Variants in COL14A1 observed in about 807,000 individuals in gnomAD.
The protein encoded by COL14A1 is collagen alpha-1(XIV) chain.
A neutral mutation model predicts 230.3 loss-of-function variants in COL14A1; 136 were observed. The ratio of observed to expected loss-of-function variants is 0.59; its 90% CI spans 0.51 to 0.68. The LOEUF (loss-of-function observed/expected upper bound fraction) is 0.68. Ranked by LOEUF, COL14A1 falls within the 30% of genes least tolerant of loss-of-function variation. The pLI is 0.00. For missense variants in COL14A1, 1,976 were observed against 2,215.8 expected (o/e 0.89, Z 2.17); for synonymous variants, 792 against 784.1 (o/e 1.01, Z -0.17).
At position 120,135,870 on chromosome 8, in the gene COL14A1, CATT is replaced by C. The variant is rs1814693705; in HGVS notation, c.-38+10531_-38+10533del. Among the ~76,000 whole-genome samples the C allele has an allele frequency of 2.0e-5, 3 of 151,872 alleles. No homozygotes were observed. In the South Asian group the frequency reaches 6.2e-4, roughly 32 times the overall value. ...TCTAACTATTTTATGTTTTTGATGT[CATT>C]GTAAATAAATTTAAAATTTTTTTCT... On this transcript the variant is annotated intron_variant, in intron 1 of 47. Transcript: ENST00000297848.
intron 36 of COL14A1, among the ~76,000 whole-genome samples, chr8:120,306,973 G>C (rs548809440): frequency 6.6e-6 from 1 of 152,266 alleles, no homozygotes; most frequent in East Asian, 1.9e-4. Flanking sequence ...AGAAAATTTA[G>C]CTAACACAGT....
intron 40 of COL14A1, among the ~76,000 whole-genome samples, chr8:120,331,407 G>T (rs1284341392): frequency 6.6e-6 from 1 of 152,160 alleles, no homozygotes; most frequent in Non-Finnish European, 1.5e-5. Flanking sequence ...CTTTGGAAAG[G>T]CCAGCATTCA....
At chr8:120,277,461 C>A (rs1586825297) in intron 26 of COL14A1, 1 of 152,198 alleles carries the variant, frequency 6.6e-6, no homozygotes, top group Middle Eastern at 3.4e-3. Context: ...CTGAGAGACA[C>A]ATGCACTCCT....
chr8:120,166,239 T>C (rs551768179), intron 4 of COL14A1, among the ~76,000 whole-genome samples: 39 of 152,180 alleles, frequency 2.6e-4, no homozygotes, highest in Admixed American at 2.4e-3. Context: ...AAGGCAGATA[T>C]CTGGATTAAC....
chr8:120,286,835 A>G (rs1327560636), intron 33 of COL14A1, among the ~76,000 whole-genome samples: 1 of 152,184 alleles, frequency 6.6e-6, no homozygotes, highest in Non-Finnish European at 1.5e-5. Flanking sequence ...ATAACTCAGC[A>G]CTTGTGGTAT....
At chr8:120,334,115 C>T (rs9297615) in intron 42 of COL14A1, among the ~76,000 whole-genome samples, 5,153 of 152,256 alleles carry the variant, frequency 0.034, 293 homozygotes, top group African/African-American at 0.11. Context: ...GGTTCTCATT[C>T]AGAAAGTGGC....
intron 5 of COL14A1, among the ~76,000 whole-genome samples, chr8:120,182,882 A>G (rs140995930): frequency 2.2e-4 from 33 of 151,968 alleles, no homozygotes; most frequent in African/African-American, 6.3e-4. Flanking sequence ...GTGTGACACC[A>G]TGCCTGGATA....
rs1478310254 is a variant in COL14A1, at chr8:120,281,065, TTTCTG to T, written c.3824+9_3824+13del. ...CTGGTTTCCCAGCCAACCAGGTATGTTTCTGTTGAAAGATTTTAAAGTCATCGTAT... is the reference window on the plus strand; with the variant it reads ...CTGGTTTCCCAGCCAACCAGGTATGTTTGAAAGATTTTAAAGTCATCGTAT... On this transcript the variant is annotated splice_region_variant and intron_variant, in intron 31 of 47. Transcript: ENST00000297848. The T allele has an allele frequency of 8.1e-6, 13 of 1,597,794 alleles. No individual in the cohort carries two copies. The highest frequency in any genetic ancestry group is 1.0e-5 in the Non-Finnish European group (12 of 1,175,238).
chr8:120,147,138 TTTC>T (rs1301906797), intron 1 of COL14A1, among the ~76,000 whole-genome samples: 1 of 152,066 alleles, frequency 6.6e-6, no homozygotes, highest in Admixed American at 6.5e-5. Context: ...CCCTTTCTTT[TTTC>T]TTCTTCATTT....
intron 45 of COL14A1, among the ~76,000 whole-genome samples, chr8:120,365,485 T>C (rs1030710530): frequency 3.9e-5 from 6 of 152,156 alleles, no homozygotes; most frequent in African/African-American, 1.4e-4. Flanking sequence ...GGATGCACAT[T>C]GGGGCATAAG....
chr8:120,331,722 T>C (rs1237628994), intron 40 of COL14A1, among the ~76,000 whole-genome samples: 1 of 152,198 alleles, frequency 6.6e-6, no homozygotes. Context: ...TTTCCGATAT[T>C]GTAGTACTCC....
At chr8:120,276,847 T>A (rs1035016365) in intron 26 of COL14A1, among the ~76,000 whole-genome samples, 15 of 143,062 alleles carry the variant, frequency 1.0e-4, no homozygotes, top group East Asian at 4.2e-4. Context: ...TAAAAAAAAA[T>A]AAAATAAAAT....
intron 25 of COL14A1, among the ~76,000 whole-genome samples, chr8:120,268,103 G>A (rs1476796321): frequency 6.6e-6 from 1 of 151,764 alleles, no homozygotes; most frequent in East Asian, 1.9e-4. Context: ...ATTCATCCTA[G>A]GATGGCATGC....
chr8:120,164,685 G>A (rs1157740141), intron 4 of COL14A1, among the ~76,000 whole-genome samples: 1 of 151,854 alleles, frequency 6.6e-6, no homozygotes, highest in Non-Finnish European at 1.5e-5. Context: ...GATTCACTTT[G>A]TCTGGGAGCT....
At chr8:120,190,255 A>T (rs1327763336) in intron 5 of COL14A1, among the ~76,000 whole-genome samples, 1 of 151,950 alleles carries the variant, frequency 6.6e-6, no homozygotes, top group Non-Finnish European at 1.5e-5. Context: ...GCATTTTTTC[A>T]TGTGGTTTTT....
At chr8:120,225,285 CA>C in intron 15 of COL14A1, 71 bp downstream of exon 15, 1 of 1,314,994 alleles carries the variant, frequency 7.6e-7, no homozygotes, top group Middle Eastern at 1.8e-4. Flanking sequence ...GAACCTGGAG[CA>C]CCTTCTTTAT....
At chr8:120,134,028 A>C (rs538923589) in intron 1 of COL14A1, among the ~76,000 whole-genome samples, 1 of 152,212 alleles carries the variant, frequency 6.6e-6, no homozygotes, top group Non-Finnish European at 1.5e-5. Context: ...ATATGTATAT[A>C]ATATGTAGAA....
chr8:120,307,689 G>A (rs1316399039), intron 36 of COL14A1, among the ~76,000 whole-genome samples: 1 of 152,024 alleles, frequency 6.6e-6, no homozygotes, highest in Non-Finnish European at 1.5e-5. Flanking sequence ...TAGTTTTCAG[G>A]GAAATGAAAA....
At chr8:120,255,656 C>T (rs1310066136) in intron 23 of COL14A1, among the ~76,000 whole-genome samples, 1 of 152,156 alleles carries the variant, frequency 6.6e-6, no homozygotes, top group Non-Finnish European at 1.5e-5. Flanking sequence ...GTGCTTTGTG[C>T]ACTGGAAGGA....
Sources: allele counts gnomAD v4.1 joint callset (sites outside exome capture counted in the v4.1 genomes callset), GRCh38; gene constraint gnomAD v4.1.1; transcripts MANE v1.5; gene names NCBI Gene and HGNC (gene_info 2026-07-23, HGNC 2026-07-21).